TECPR2: variants seen among roughly 807,000 people sequenced by gnomAD.
TECPR2 encodes the protein tectonin beta-propeller repeat containing 2.
TECPR2 carries 65 observed loss-of-function variants against 138.1 expected under a neutral mutation model. The observed-to-expected ratio is 0.47, with a 90% CI of 0.39 to 0.58. The LOEUF (loss-of-function observed/expected upper bound fraction) is 0.58, where lower values mean the gene tolerates loss of function less well. Ranked by LOEUF, TECPR2 falls within the 20% of genes least tolerant of loss-of-function variation. TECPR2 has a pLI of 0.00. For missense variants in TECPR2, 1,553 were observed against 1,824.5 expected, an observed-to-expected ratio of 0.85 and a Z score of 2.71; for synonymous variants, 746 against 749.8, an observed-to-expected ratio of 0.99 and a Z score of 0.08.
At chr14:102,456,902 T>C (rs1394452734) in intron 16 of TECPR2, among the ~76,000 whole-genome samples, 2 of 151,516 alleles carry the variant, frequency 1.3e-5, no homozygotes, top group African/African-American at 2.4e-5. Context: ...CTGTCACTCT[T>C]AAGTTGAGAC....
intron 2 of TECPR2, among the ~76,000 whole-genome samples, chr14:102,406,416 G>T (rs867446740): frequency 9.9e-5 from 15 of 152,182 alleles, no homozygotes; most frequent in Non-Finnish European, 1.3e-4. Flanking sequence ...CGTGGTGGCG[G>T]GCGCCTGTGG....
chr14:102,465,562 A>G (rs530785038), intron 17 of TECPR2: 7 of 1,143,132 alleles, frequency 6.1e-6, no homozygotes, highest in Non-Finnish European at 7.5e-6. Context: ...ACTTTTTACT[A>G]AGTGAATATT....
intron 1 of TECPR2, among the ~76,000 whole-genome samples, chr14:102,375,759 C>T (rs988539009): frequency 6.6e-6 from 1 of 152,170 alleles, no homozygotes; most frequent in Admixed American, 6.5e-5. Flanking sequence ...CCTGTCAGAG[C>T]TGTGACTGTG....
intron 2 of TECPR2, among the ~76,000 whole-genome samples, chr14:102,398,072 C>CAAAAAAAAAAA (rs560266373): frequency 4.2e-4 from 19 of 44,942 alleles, no homozygotes; most frequent in Admixed American, 6.5e-4. Context: ...GATTCTGTCT[C>CAAAAAAAAAAA]AAAAAAAAAA....
chr14:102,497,610 G>A lies in TECPR2; in HGVS notation c.3972G>A (p.Val1324=), dbSNP rs753062922. ...AGCTGGCGCTGAGCACCAGGACCGT[G>A]TGGGCCCGCTGTCCAAACGGAGACC... ...ACQLALSTRT[V]WARCPNGDLA... Residue 1324 remains valine, a synonymous_variant, in exon 19 of 20, where the codon GTG becomes GTA. Transcript: ENST00000359520. 1 of 1,609,168 alleles carries A rather than the reference G, an allele frequency of 6.2e-7. No homozygotes were observed. The highest frequency in any genetic ancestry group is 8.5e-7 in the Non-Finnish European group (1 of 1,178,382).
At chr14:102,399,505 A>T (rs2139683840) in intron 2 of TECPR2, among the ~76,000 whole-genome samples, 1 of 152,268 alleles carries the variant, frequency 6.6e-6, no homozygotes, top group African/African-American at 2.4e-5. Flanking sequence ...AAATTAAAGG[A>T]TATTAAACAG....
In TECPR2 at chr14:102,438,085, GAGA is replaced by G. The variant is rs774296137; in HGVS notation, c.2461_2463del (p.Lys821del). ...TGGCATCCTCAGCTTGGTGGTCTCC[GAGA>G]AGTATATCTGGTGCCTGGACTACAA... On this transcript the variant is annotated inframe_deletion, in exon 10 of 20. Coordinates refer to ENST00000359520, the MANE Select transcript of TECPR2 (RefSeq NM_014844.5). The G allele has an allele frequency of 6.2e-7, 1 of 1,614,154 alleles. No individual in the cohort carries two copies. Among genetic ancestry groups the G allele is most frequent in the African/African-American group, 1.3e-5 (1 of 75,034 alleles).
At chr14:102,466,672 G>T (rs139282343) in intron 17 of TECPR2, among the ~76,000 whole-genome samples, 1 of 151,934 alleles carries the variant, frequency 6.6e-6, no homozygotes, top group Admixed American at 6.6e-5. Context: ...GTTACAACCC[G>T]CATAACATAA....
At chr14:102,482,757 C>A (rs1890920833) in intron 17 of TECPR2, among the ~76,000 whole-genome samples, 1 of 152,010 alleles carries the variant, frequency 6.6e-6, no homozygotes, top group African/African-American at 2.4e-5. Context: ...AGGTTGGAAA[C>A]CATTTTCCTT....
rs147264281 is a variant in TECPR2 at position 102,498,361 on chromosome 14, C to T, written c.*104C>T. 332 of 1,368,338 alleles carry T rather than the reference C, an allele frequency of 2.4e-4. No individual in the cohort carries two copies. Among genetic ancestry groups the T allele is most frequent in the Middle Eastern group, 1.0e-3 (4 of 3,872 alleles). 84.8% of individuals were successfully genotyped at this position (1,368,338 alleles called of 1,614,324 possible). Reference sequence around the variant, plus strand: ...CGCGCTGCCTCAACACTTGTCCAGACACCTCTGGCCAGGTTGGACCCGCAC... The same window carrying T: ...CGCGCTGCCTCAACACTTGTCCAGATACCTCTGGCCAGGTTGGACCCGCAC... On this transcript the variant is annotated 3_prime_UTR_variant, in exon 20 of 20. Coordinates refer to ENST00000359520, the MANE Select transcript of TECPR2 (RefSeq NM_014844.5).
chr14:102,402,740 A>G (rs1888526193), intron 2 of TECPR2, among the ~76,000 whole-genome samples: 1 of 152,200 alleles, frequency 6.6e-6, no homozygotes, highest in South Asian at 2.1e-4. Flanking sequence ...AACAAAAAGG[A>G]TTATGACAGG....
intron 17 of TECPR2, among the ~76,000 whole-genome samples, chr14:102,486,229 C>T (rs1331730862): frequency 6.6e-6 from 1 of 152,172 alleles, no homozygotes; most frequent in Non-Finnish European, 1.5e-5. Flanking sequence ...GAGCCTGTTT[C>T]TGTCTGGAGC....
chr14:102,425,887 T>G (rs1007684426), intron 6 of TECPR2, among the ~76,000 whole-genome samples: 4 of 146,854 alleles, frequency 2.7e-5, no homozygotes, highest in South Asian at 2.2e-4. Flanking sequence ...TTTTTTGTTT[T>G]TTTTTTTTGA....
At chr14:102,475,899 T>C (rs936027877) in intron 17 of TECPR2, among the ~76,000 whole-genome samples, 5 of 152,018 alleles carry the variant, frequency 3.3e-5, no homozygotes, top group Admixed American at 2.0e-4. Flanking sequence ...GCCTGTTAAG[T>C]AGAAAATGAG....
chr14:102,443,613 G>T lies in TECPR2; in HGVS notation c.2753-34G>T. 6.7e-7 allele frequency: 1 copy of T among 1,497,766 alleles called. No individual in the cohort carries two copies. The highest frequency in any genetic ancestry group is 9.0e-7 in the Non-Finnish European group (1 of 1,108,210). The allele number at this position is 1,497,766 out of a possible 1,614,324, so 92.8% of individuals were successfully genotyped here. A position where few individuals can be genotyped will look rare whatever the true frequency, so the allele number is the denominator to read the frequency against. On this transcript the variant is annotated intron_variant, in intron 11 of 19. Transcript: ENST00000359520. This position sits in a 1 kb window ranked among gnomAD's most constrained non-coding sequence, Gnocchi z 4.9. Reference sequence around the variant, plus strand: ...AAATGAGGTGTGGAGTTCTGACTGTGTGTCTTTGGGGCTTCTTCCCATCTT... The same window carrying T: ...AAATGAGGTGTGGAGTTCTGACTGTTTGTCTTTGGGGCTTCTTCCCATCTT...
At chr14:102,447,603 C>T (rs915767004) in intron 13 of TECPR2, among the ~76,000 whole-genome samples, 22 of 152,072 alleles carry the variant, frequency 1.4e-4, no homozygotes, top group African/African-American at 5.3e-4. Flanking sequence ...GGCGCAATCT[C>T]GGCTCACTGC....
intron 3 of TECPR2, 116 bp downstream of exon 3, chr14:102,407,582 C>CT (rs1487398846): frequency 2.2e-6 from 3 of 1,353,488 alleles, no homozygotes; most frequent in Non-Finnish European, 2.9e-6. Flanking sequence ...CCGGGCACGA[C>CT]TTTCTCTGCC....
chr14:102,448,331 CA>C (rs1434757798), intron 13 of TECPR2, among the ~76,000 whole-genome samples: 1 of 152,184 alleles, frequency 6.6e-6, no homozygotes, highest in Non-Finnish European at 1.5e-5. Context: ...GAGTGAACAT[CA>C]TGGAGAATCA....
chr14:102,446,779 A>G lies in TECPR2; in HGVS notation c.3075+832A>G, dbSNP rs911532978. Among the ~76,000 whole-genome samples the G allele has an allele frequency of 5.9e-5, 9 of 152,196 alleles. No homozygotes were observed. In the East Asian group the frequency reaches 1.7e-3, roughly 29 times the overall value. ...AAAGGACTTTTCATCATAGGAAATAATTTGCAAACTCTTTGTGTAAATAAT... is the reference window on the plus strand; with the variant it reads ...AAAGGACTTTTCATCATAGGAAATAGTTTGCAAACTCTTTGTGTAAATAAT... On this transcript the variant is annotated intron_variant, in intron 13 of 19. Transcript: ENST00000359520.
Sources: gnomAD v4.1 joint callset for allele counts (sites outside exome capture counted in the v4.1 genomes callset) on GRCh38, gnomAD v4.1.1 for gene constraint, Gnocchi (gnomAD v3.1) non-coding constraint, MANE v1.5 for transcripts, NCBI Gene and HGNC (gene_info 2026-07-23, HGNC 2026-07-21) for gene names.